EHF: variants seen among roughly 807,000 people sequenced by gnomAD.
EHF encodes the protein ESE3 transcription factor.
In EHF, 14 loss-of-function variants were observed where a neutral mutation model predicts 45.1. That is an observed-to-expected ratio of 0.31 (90% CI 0.21 to 0.49). The LOEUF is 0.49. EHF is among the 20% of genes least tolerant of loss of function. The pLI is 0.99. For missense variants in EHF, 282 were observed against 371.4 expected (o/e 0.76, Z 1.98); for synonymous variants, 136 against 131.8 (o/e 1.03, Z -0.22).
intron 6 of EHF, among the ~76,000 whole-genome samples, chr11:34,656,190 G>A (rs1477830234): frequency 6.6e-6 from 1 of 152,038 alleles, no homozygotes; most frequent in East Asian, 1.9e-4. Context: ...TTTGGTAATA[G>A]TCGCAGAGGT....
chr11:34,655,505 A>C (rs887839906), intron 6 of EHF, among the ~76,000 whole-genome samples: 1 of 152,346 alleles, frequency 6.6e-6, no homozygotes, highest in Admixed American at 6.5e-5. Context: ...AATCATGGTT[A>C]TGAGTAAAGC....
chr11:34,659,015 C>A lies in EHF; in HGVS notation c.*84C>A. 2.0e-6 allele frequency: 2 copies of A among 1,022,624 alleles called. No individual in the cohort carries two copies. Among genetic ancestry groups the A allele is most frequent in the Non-Finnish European group, 2.8e-6 (2 of 703,030 alleles). The allele number at this position is 1,022,624 out of a possible 1,614,324, so 63.3% of individuals were successfully genotyped here. A position where few individuals can be genotyped will look rare whatever the true frequency, so the allele number is the denominator to read the frequency against. On this transcript the variant is annotated 3_prime_UTR_variant, in exon 9 of 9. Coordinates refer to ENST00000257831, the MANE Select transcript of EHF (RefSeq NM_012153.6). ...CTCCTGGACGTAAATATTTCAAAGACTACTTTTCTCTGATATTTATGTACC... is the reference window on the plus strand; with the variant it reads ...CTCCTGGACGTAAATATTTCAAAGAATACTTTTCTCTGATATTTATGTACC...
intron 1 of EHF, among the ~76,000 whole-genome samples, chr11:34,630,317 C>T (rs536810389): frequency 6.6e-6 from 1 of 152,114 alleles, no homozygotes; most frequent in East Asian, 1.9e-4. Context: ...AGAAAAGTTG[C>T]TTAACCTCTC....
In EHF at chr11:34,658,491, T is replaced by C. The variant is rs768710849; in HGVS notation, c.608-42T>C. 3.9e-6 allele frequency: 6 copies of C among 1,554,254 alleles called. No individual in the cohort carries two copies. In the South Asian group the frequency reaches 7.0e-5, roughly 18 times the overall value. On this transcript the variant is annotated intron_variant, in intron 7 of 8. Coordinates refer to ENST00000257831, the MANE Select transcript of EHF (RefSeq NM_012153.6). ...AATGCTCTCTGCCCTATCTTTGCTG[T>C]GACTTAGATCATTAGTAACCTGCCT...
chr11:34,652,371 C>T (rs995599714), intron 6 of EHF, among the ~76,000 whole-genome samples: 4 of 152,190 alleles, frequency 2.6e-5, no homozygotes, highest in African/African-American at 9.7e-5. Flanking sequence ...TTATGAGTTA[C>T]GTTCACTTTA....
chr11:34,656,081 T>TAC (rs1855641694), intron 6 of EHF, among the ~76,000 whole-genome samples: 1 of 150,126 alleles, frequency 6.7e-6, no homozygotes, highest in Non-Finnish European at 1.5e-5. Flanking sequence ...CACACACATA[T>TAC]ACACACACAC....
chr11:34,633,933 G>T (rs979038886), intron 1 of EHF, among the ~76,000 whole-genome samples: 1 of 152,048 alleles, frequency 6.6e-6, no homozygotes, highest in Non-Finnish European at 1.5e-5. Context: ...TACCTATAAT[G>T]GATCCAGACT....
At chr11:34,648,381 GC>G (rs1854794647) in intron 3 of EHF, among the ~76,000 whole-genome samples, 1 of 151,406 alleles carries the variant, frequency 6.6e-6, no homozygotes, top group Non-Finnish European at 1.5e-5. Flanking sequence ...ACATATATAT[GC>G]TTTTATATAT....
chr11:34,638,250 T>C (rs1183753247), intron 1 of EHF, among the ~76,000 whole-genome samples: 2 of 152,312 alleles, frequency 1.3e-5, no homozygotes, highest in African/African-American at 2.4e-5. Flanking sequence ...TTTCTTTGTG[T>C]GTGCAGTTTG....
At chr11:34,654,170 G>A (rs868342464) in intron 6 of EHF, among the ~76,000 whole-genome samples, 11 of 152,184 alleles carry the variant, frequency 7.2e-5, no homozygotes, top group African/African-American at 2.2e-4. Context: ...CTGAAGTCAC[G>A]CTCTCTCACT....
intron 1 of EHF, among the ~76,000 whole-genome samples, chr11:34,626,655 C>A (rs1294787131): frequency 6.6e-6 from 1 of 152,192 alleles, no homozygotes; most frequent in African/African-American, 2.4e-5. Flanking sequence ...AGCTAGCTCA[C>A]CTTTTAGTCA....
chr11:34,632,272 ACT>A (rs888806122), intron 1 of EHF, among the ~76,000 whole-genome samples: 7 of 152,152 alleles, frequency 4.6e-5, no homozygotes, highest in African/African-American at 1.4e-4. Flanking sequence ...CAAAAAAATA[ACT>A]CTGCTGCCAA....
intron 1 of EHF, chr11:34,631,555 C>A: frequency 1.0e-6 from 1 of 984,310 alleles, no homozygotes; most frequent in Non-Finnish European, 1.2e-6. Flanking sequence ...ACATCTCAGG[C>A]CCTTTCCACC....
chr11:34,626,501 T>G (rs1852389450), intron 1 of EHF, among the ~76,000 whole-genome samples: 1 of 152,200 alleles, frequency 6.6e-6, no homozygotes, highest in Non-Finnish European at 1.5e-5. Flanking sequence ...TTCAATCTTG[T>G]CATGATTTCA....
intron 1 of EHF, among the ~76,000 whole-genome samples, chr11:34,627,420 C>T (rs1306068076): frequency 6.6e-6 from 1 of 152,130 alleles, no homozygotes; most frequent in East Asian, 1.9e-4. Context: ...AGGCAGTTCA[C>T]ATGACTAGCT....
intron 1 of EHF, among the ~76,000 whole-genome samples, chr11:34,630,834 A>T (rs1216041562): frequency 6.6e-6 from 1 of 152,074 alleles, no homozygotes. Flanking sequence ...CCCAGTTCTT[A>T]ATGCTCCTGG....
intron 1 of EHF, among the ~76,000 whole-genome samples, chr11:34,638,659 A>C (rs760563757): frequency 1.3e-5 from 2 of 152,142 alleles, no homozygotes; most frequent in African/African-American, 2.4e-5. Flanking sequence ...GCTGCTACAC[A>C]TCTTACAATC....
Position 34,659,593 on chromosome 11 carries a change from A to T in EHF, c.*662A>T, listed in dbSNP as rs1476668551. On this transcript the variant is annotated 3_prime_UTR_variant, in exon 9 of 9. Transcript: ENST00000257831. ...CTTTATACTCATTCAGGAATGGTTT[A>T]TCTGATGCCAGGGCTGTCTTCCTTT... is the stretch of plus-strand genomic sequence containing the variant. The T allele has an allele frequency of 1.3e-5, 2 of 152,226 alleles. No individual in the cohort carries two copies. Among genetic ancestry groups the T allele is most frequent in the Admixed American group, 6.6e-5 (1 of 15,266 alleles). 9.4% of individuals were successfully genotyped at this position (152,226 alleles called of 1,614,324 possible).
chr11:34,642,466 G>C lies in EHF; in HGVS notation c.-3-162G>C, dbSNP rs1854105311. 2.4e-5 allele frequency: 13 copies of C among 547,036 alleles called. No individual in the cohort carries two copies. The East Asian group carries it at 3.6e-4, about 15-fold the overall frequency. 33.9% of individuals were successfully genotyped at this position (547,036 alleles called of 1,614,324 possible). On this transcript the variant is annotated intron_variant, in intron 1 of 8. Transcript: ENST00000257831. ...GAACCTGGAAATTTTTAATTGCTGTGAGTTTTGCTTTTACAAAAAACGCTT... is the reference window on the plus strand; with the variant it reads ...GAACCTGGAAATTTTTAATTGCTGTCAGTTTTGCTTTTACAAAAAACGCTT...
Sources: allele counts gnomAD v4.1 joint callset (sites outside exome capture counted in the v4.1 genomes callset), GRCh38; gene constraint gnomAD v4.1.1; transcripts MANE v1.5; gene names NCBI Gene and HGNC (gene_info 2026-07-23, HGNC 2026-07-21).